Variants in KCNQ5 observed in about 807,000 individuals in gnomAD.
The protein encoded by KCNQ5 is potassium voltage-gated channel subfamily KQT member 5.
Under a neutral mutation model 98.2 loss-of-function variants are expected in KCNQ5, and 30 were observed. The ratio of observed to expected loss-of-function variants is 0.31; its 90% CI spans 0.23 to 0.41. The LOEUF (loss-of-function observed/expected upper bound fraction) is 0.41, where lower values mean the gene tolerates loss of function less well. KCNQ5 is among the 10% of genes least tolerant of loss of function. KCNQ5 has a pLI of 1.00. For synonymous variants in KCNQ5, 458 were observed against 449.4 expected (o/e 1.02, Z -0.24); for missense variants, 835 against 1,182.5 (o/e 0.71, Z 4.31).
chr6:72,844,067 G>A (rs547378439), intron 1 of KCNQ5, among the ~76,000 whole-genome samples: 2 of 152,272 alleles, frequency 1.3e-5, no homozygotes, highest in Non-Finnish European at 2.9e-5. Flanking sequence ...ATGACGGTTT[G>A]ATGGGTGCAG....
intron 6 of KCNQ5, among the ~76,000 whole-genome samples, chr6:73,107,697 A>T (rs1366543061): frequency 6.6e-6 from 1 of 152,224 alleles, no homozygotes; most frequent in African/African-American, 2.4e-5. Context: ...GAGACTAAGT[A>T]GTCATTCTTG....
At chr6:73,059,408 T>C (rs887486631) in intron 3 of KCNQ5, among the ~76,000 whole-genome samples, 14 of 152,046 alleles carry the variant, frequency 9.2e-5, no homozygotes, top group African/African-American at 1.4e-4. Context: ...GTAAGCCTAC[T>C]TGAGGATGGA....
intron 1 of KCNQ5, among the ~76,000 whole-genome samples, chr6:72,818,272 G>A (rs940093571): frequency 6.6e-6 from 1 of 152,094 alleles, no homozygotes; most frequent in Non-Finnish European, 1.5e-5. Flanking sequence ...GTTTTAACAG[G>A]TTAACTTGTT....
intron 1 of KCNQ5, among the ~76,000 whole-genome samples, chr6:72,883,086 T>C (rs1778703932): frequency 1.3e-5 from 2 of 152,206 alleles, no homozygotes; most frequent in South Asian, 2.1e-4. Context: ...TTCCAATAGT[T>C]GTGAACCTTA....
chr6:73,004,086 A>G (rs1466326875), intron 2 of KCNQ5, 88 bp downstream of exon 2: 20 of 730,978 alleles, frequency 2.7e-5, no homozygotes, highest in Non-Finnish European at 4.6e-5. Context: ...CTACAAAAAA[A>G]TCCTATCTAA....
intron 2 of KCNQ5, among the ~76,000 whole-genome samples, chr6:73,027,026 C>A (rs930770258): frequency 2.6e-5 from 4 of 152,132 alleles, no homozygotes; most frequent in Admixed American, 2.0e-4. Flanking sequence ...TTAATGATCC[C>A]AGTGTTTGAC....
rs1554203586 is a variant in KCNQ5, at chr6:73,063,686, T to TGATAGATAGATA, written c.617-13612_617-13601dup. The stretch of plus-strand genomic sequence containing the variant: ...GATAGATGATAGATAGATAGATAGA[T>TGATAGATAGATA]GATAGATAGATAGATAGATAGATAG... On this transcript the variant is annotated intron_variant, in intron 3 of 13. Transcript: ENST00000370398. 2.0e-3 allele frequency among the ~76,000 whole-genome samples: 188 copies of TGATAGATAGATA among 93,250 alleles called. 1 individual carries two copies. Among genetic ancestry groups the TGATAGATAGATA allele is most frequent in the African/African-American group, 7.1e-3 (179 of 25,182 alleles). The allele number at this position is 93,250 out of a possible 152,430, so 61.2% of individuals were successfully genotyped here. A position where few individuals can be genotyped will look rare whatever the true frequency, so the allele number is the denominator to read the frequency against.
At chr6:73,111,207 C>T (rs1438277263) in intron 6 of KCNQ5, 101 bp from the exon 7 acceptor site, 4 of 769,338 alleles carry the variant, frequency 5.2e-6, no homozygotes, top group South Asian at 4.6e-5. Context: ...GGTTACATAC[C>T]GTTTGTCTTC....
At chr6:72,823,833 T>C (rs55757172) in intron 1 of KCNQ5, among the ~76,000 whole-genome samples, 1,622 of 152,274 alleles carry the variant, frequency 0.011, 30 homozygotes, top group South Asian at 0.07. Context: ...TAGTGTGAAT[T>C]GTGCAGACAA....
In KCNQ5 at chr6:73,198,255, G is replaced by A. The variant is rs1765867832; in HGVS notation, c.*2841G>A. 1 of 152,052 alleles carries A rather than the reference G, an allele frequency of 6.6e-6. No homozygotes were observed. Among genetic ancestry groups the A allele is most frequent in the African/African-American group, 2.4e-5 (1 of 41,396 alleles). The allele number at this position is 152,052 out of a possible 1,614,324, so 9.4% of individuals were successfully genotyped here. On this transcript the variant is annotated 3_prime_UTR_variant, in exon 14 of 14. Coordinates refer to ENST00000370398, the MANE Select transcript of KCNQ5 (RefSeq NM_019842.4). ...TTAATTGCAAATATCCCTTGTATGAGGTTAACTAAAAAAATTTTGCTATGT... is the reference window on the plus strand; with the variant it reads ...TTAATTGCAAATATCCCTTGTATGAAGTTAACTAAAAAAATTTTGCTATGT...
Position 72,994,651 on chromosome 6 carries a change from G to T in KCNQ5, c.399-9257G>T, listed in dbSNP as rs535578582. ...CGCTCACGCTGGGAGCTGTAGACCG[G>T]AGCTGTTCCTATTCGGCCATCTTGG... On this transcript the variant is annotated intron_variant, in intron 1 of 13. Transcript: ENST00000370398. Among the ~76,000 whole-genome samples, 3 of 151,956 alleles carry T rather than the reference G, an allele frequency of 2.0e-5. No homozygotes were observed. In the East Asian group the frequency reaches 5.9e-4, roughly 30 times the overall value.
intron 10 of KCNQ5, among the ~76,000 whole-genome samples, chr6:73,166,662 G>A (rs375412338): frequency 1.3e-5 from 2 of 152,164 alleles, no homozygotes; most frequent in East Asian, 3.8e-4. Flanking sequence ...AAGCACAGAA[G>A]TGTATTATCT....
At chr6:73,094,401 C>T (rs911908294) in intron 5 of KCNQ5, among the ~76,000 whole-genome samples, 7 of 152,104 alleles carry the variant, frequency 4.6e-5, no homozygotes, top group Non-Finnish European at 5.9e-5. Flanking sequence ...TTACATTCAA[C>T]GTTAGTATTG....
intron 1 of KCNQ5, among the ~76,000 whole-genome samples, chr6:72,701,290 A>C (rs140227326): frequency 2.0e-5 from 3 of 152,228 alleles, no homozygotes; most frequent in Non-Finnish European, 4.4e-5. Context: ...TGAAACTTAC[A>C]TAACGTTTAA....
chr6:72,838,858 G>A (rs1158755270), intron 1 of KCNQ5, among the ~76,000 whole-genome samples: 1 of 148,634 alleles, frequency 6.7e-6, no homozygotes, highest in African/African-American at 2.5e-5. Context: ...GCTGAGGCAG[G>A]AGAATGGCGT....
intron 2 of KCNQ5, among the ~76,000 whole-genome samples, chr6:73,007,865 AG>A (rs1157373336): frequency 6.6e-6 from 1 of 152,130 alleles, no homozygotes; most frequent in East Asian, 1.9e-4. Context: ...AGTGACTTCT[AG>A]GGGATTAAAA....
intron 11 of KCNQ5, among the ~76,000 whole-genome samples, chr6:73,174,539 G>T (rs558834994): frequency 2.0e-5 from 3 of 152,240 alleles, no homozygotes; most frequent in Admixed American, 2.0e-4. Context: ...AGAATCAAAT[G>T]AATACATGAA....
At chr6:72,764,918 C>T (rs1225602167) in intron 1 of KCNQ5, among the ~76,000 whole-genome samples, 1 of 151,946 alleles carries the variant, frequency 6.6e-6, no homozygotes, top group South Asian at 2.1e-4. Context: ...TAATGATCTC[C>T]AGTTCCATCC....
Position 73,003,956 on chromosome 6 carries a change from C to T in KCNQ5, c.447C>T (p.Ile149=). 1 of 1,613,378 alleles carries T rather than the reference C, an allele frequency of 6.2e-7. No homozygotes were observed. Among genetic ancestry groups the T allele is most frequent in the Non-Finnish European group, 8.5e-7 (1 of 1,179,480 alleles). The change falls in exon 2 of 14, where the codon ATC becomes ATT. Residue 149 remains isoleucine, a synonymous_variant. Transcript: ENST00000370398. ...GCLILSVFST[I]PEHTKLASSC... ...TGATTTTGTCAGTGTTTTCTACCAT[C>T]CCTGAGCACACAAAATTGGCCTCAA...
Sources: allele counts gnomAD v4.1 joint callset (sites outside exome capture counted in the v4.1 genomes callset), GRCh38; gene constraint gnomAD v4.1.1; transcripts MANE v1.5; gene names NCBI Gene and HGNC (gene_info 2026-07-23, HGNC 2026-07-21).